The following YES1 variants were observed in gnomAD, a reference collection of about 807,000 sequenced individuals.
YES1 encodes YES proto-oncogene 1, Src family tyrosine kinase.
A neutral mutation model predicts 70.4 loss-of-function variants in YES1; 39 were observed. The observed-to-expected ratio is 0.55, with a 90% CI of 0.43 to 0.72. The LOEUF (loss-of-function observed/expected upper bound fraction) is 0.72. Ranked by LOEUF, YES1 falls within the 30% of genes least tolerant of loss-of-function variation. The pLI is 0.00. For missense variants in YES1, 495 were observed against 644.8 expected (o/e 0.77, Z 2.52); for synonymous variants, 198 against 218.6 (o/e 0.91, Z 0.83).
At chr18:743,644 A>C (rs1467731009) in intron 6 of YES1, among the ~76,000 whole-genome samples, 1 of 152,162 alleles carries the variant, frequency 6.6e-6, no homozygotes, top group Non-Finnish European at 1.5e-5. Context: ...AAGGTGTCTC[A>C]CGTCTGTAAT....
chr18:802,354 G>C (rs1418634369), intron 1 of YES1, among the ~76,000 whole-genome samples: 1 of 152,180 alleles, frequency 6.6e-6, no homozygotes, highest in Non-Finnish European at 1.5e-5. Flanking sequence ...GATCACCTGA[G>C]GTCGGGAGTT....
chr18:772,062 CTT>C (rs1213712930), intron 1 of YES1, among the ~76,000 whole-genome samples: 2 of 151,730 alleles, frequency 1.3e-5, no homozygotes, highest in Non-Finnish European at 2.9e-5. Context: ...GAATTTCACT[CTT>C]GTTGCCCAGG....
At chr18:789,987 G>T (rs1424219242) in intron 1 of YES1, among the ~76,000 whole-genome samples, 2 of 152,176 alleles carry the variant, frequency 1.3e-5, no homozygotes, top group Non-Finnish European at 2.9e-5. Flanking sequence ...GAACCAGGGA[G>T]GTTGAGGATG....
At chr18:801,449 G>A (rs1906817427) in intron 1 of YES1, among the ~76,000 whole-genome samples, 3 of 152,166 alleles carry the variant, frequency 2.0e-5, no homozygotes, top group Admixed American at 2.0e-4. Context: ...TGATGAGTCT[G>A]TACCAAGATG....
At chr18:735,258 T>C (rs1004345182) in intron 10 of YES1, among the ~76,000 whole-genome samples, 14 of 151,700 alleles carry the variant, frequency 9.2e-5, no homozygotes, top group Admixed American at 6.6e-4. Context: ...TAAATGACCA[T>C]TGACCAATGA....
In YES1 at chr18:761,628, C is replaced by T. The variant is rs1025784449; in HGVS notation, c.-8-4793G>A. The stretch of plus-strand genomic sequence containing the variant: ...CCCTATCAAGTCTTCCATTACTATG[C>T]TTAACCTGTCCTCCAGCCTCATTTT... On this transcript the variant is annotated intron_variant, in intron 1 of 11. Coordinates refer to ENST00000314574, the MANE Select transcript of YES1 (RefSeq NM_005433.4). Among the ~76,000 whole-genome samples, 5 of 152,164 alleles carry T rather than the reference C, an allele frequency of 3.3e-5. No individual in the cohort carries two copies. The East Asian group carries it at 5.8e-4, about 18-fold the overall frequency.
At chr18:801,434 A>C (rs1906816890) in intron 1 of YES1, among the ~76,000 whole-genome samples, 1 of 152,218 alleles carries the variant, frequency 6.6e-6, no homozygotes, top group African/African-American at 2.4e-5. Flanking sequence ...ATAGCCTTGA[A>C]TGGCTGATGA....
chr18:772,141 G>A (rs1905188439), intron 1 of YES1, among the ~76,000 whole-genome samples: 2 of 151,652 alleles, frequency 1.3e-5, no homozygotes, highest in Non-Finnish European at 2.9e-5. Context: ...TGATGCTCCT[G>A]CCTCAGCCTC....
intron 1 of YES1, among the ~76,000 whole-genome samples, chr18:792,574 T>C (rs986447952): frequency 5.6e-5 from 4 of 71,540 alleles, no homozygotes; most frequent in African/African-American, 2.4e-4. Flanking sequence ...TATGTGTGTG[T>C]GTGTGTGTGT....
At chr18:781,518 G>A (rs1905669463) in intron 1 of YES1, among the ~76,000 whole-genome samples, 1 of 152,080 alleles carries the variant, frequency 6.6e-6, no homozygotes, top group Non-Finnish European at 1.5e-5. Flanking sequence ...CACCATTTAT[G>A]ACACTGAATT....
chr18:757,371 T>C (rs192887237), intron 1 of YES1, among the ~76,000 whole-genome samples: 2,519 of 151,646 alleles, frequency 0.017, 27 homozygotes, highest in African/African-American at 0.029. Context: ...GGCGTGGTGG[T>C]GGGCGCCTGT....
rs575761294 is a variant in YES1 at position 743,106 on chromosome 18, A to G, written c.881-9T>C. 3.8e-6 allele frequency: 6 copies of G among 1,574,848 alleles called. No homozygotes were observed. Among genetic ancestry groups the G allele is most frequent in the Non-Finnish European group, 5.1e-6 (6 of 1,165,174 alleles). On this transcript the variant is annotated splice_polypyrimidine_tract_variant and intron_variant, in intron 7 of 11. Transcript: ENST00000314574. ...GGTTCCATTCCATGTTCCTAAAGAA[A>G]TAACACATTTTAGGAATTTATATTT...
At chr18:725,802 C>T (rs988124739) in intron 11 of YES1, among the ~76,000 whole-genome samples, 3 of 152,148 alleles carry the variant, frequency 2.0e-5, no homozygotes, top group African/African-American at 7.2e-5. Context: ...GGGAGAATCA[C>T]TTGAACGGGA....
At position 757,418 on chromosome 18, in the gene YES1, G is replaced by A. The variant is rs184282897; in HGVS notation, c.-8-583C>T. Among the ~76,000 whole-genome samples, 359 of 150,552 alleles carry A rather than the reference G, an allele frequency of 2.4e-3. 11 individuals are homozygous for A. In the East Asian group the frequency reaches 0.057, roughly 24 times the overall value. On this transcript the variant is annotated intron_variant, in intron 1 of 11. Transcript: ENST00000314574. ...CTCGGGAGGCTGAGGCAGGAGAATG[G>A]CGTGAACCCGGGAGGCGGAGCTTGC... is the stretch of plus-strand genomic sequence containing the variant.
intron 1 of YES1, among the ~76,000 whole-genome samples, chr18:787,080 C>CTTTTTTTTTTTTTTTTTT (rs71174290): frequency 5.8e-5 from 2 of 34,736 alleles, no homozygotes; most frequent in African/African-American, 1.1e-4. Flanking sequence ...TACATACTGT[C>CTTTTTTTTTTTTTTTTTT]TTTTTTTTTT....
At chr18:763,977 G>A (rs892164447) in intron 1 of YES1, among the ~76,000 whole-genome samples, 8 of 151,706 alleles carry the variant, frequency 5.3e-5, no homozygotes, top group African/African-American at 1.7e-4. Flanking sequence ...AAAAATCAGC[G>A]GGGTGTGGTG....
At chr18:727,509 C>A (rs1414223421) in intron 11 of YES1, among the ~76,000 whole-genome samples, 1 of 151,990 alleles carries the variant, frequency 6.6e-6, no homozygotes, top group African/African-American at 2.4e-5. Context: ...TCCATCTGTT[C>A]GTTTCTCCTC....
At chr18:742,271 T>C (rs2080224415) in intron 8 of YES1, among the ~76,000 whole-genome samples, 1 of 152,110 alleles carries the variant, frequency 6.6e-6, no homozygotes, top group East Asian at 1.9e-4. Context: ...ACCCTGTTAC[T>C]GAAGATCCCA....
chr18:800,821 G>C (rs1361056018), intron 1 of YES1, among the ~76,000 whole-genome samples: 5 of 152,146 alleles, frequency 3.3e-5, no homozygotes, highest in Non-Finnish European at 5.9e-5. Context: ...GCCAAGGTCG[G>C]GGAGGATCAT....
Sources: allele counts gnomAD v4.1 joint callset (sites outside exome capture counted in the v4.1 genomes callset), GRCh38; gene constraint gnomAD v4.1.1; transcripts MANE v1.5; gene names NCBI Gene and HGNC (gene_info 2026-07-23, HGNC 2026-07-21).